Variants in KANK4 observed in about 807,000 individuals in gnomAD.
KANK4 encodes KN motif and ankyrin repeat domain-containing protein 4.
KANK4 carries 50 observed loss-of-function variants against 80.8 expected under a neutral mutation model. The ratio of observed to expected loss-of-function variants is 0.62; its 90% CI spans 0.49 to 0.78. The LOEUF is 0.78. Among genes scored for constraint, KANK4 ranks in the 30% least tolerant of loss-of-function variants. The pLI, the probability that KANK4 is intolerant of heterozygous loss-of-function variation, is 0.00. For missense variants in KANK4, 1,196 were observed against 1,240.1 expected (o/e 0.96, Z 0.53); for synonymous variants, 465 against 506.9 (o/e 0.92, Z 1.11).
intron 2 of KANK4, 80 bp from the exon 3 acceptor site, chr1:62,275,167 G>C: frequency 2.8e-6 from 3 of 1,069,512 alleles, no homozygotes; most frequent in Non-Finnish European, 2.7e-6. Flanking sequence ...TAATATCTCT[G>C]ATTTTAACTT....
At chr1:62,263,438 C>T (rs1195274713) in intron 6 of KANK4, 127 bp from the exon 7 acceptor site, 9 of 753,468 alleles carry the variant, frequency 1.2e-5, no homozygotes, top group Non-Finnish European at 1.8e-5. Flanking sequence ...TGATTTATTC[C>T]TGAAGGGCTC....
intron 9 of KANK4, among the ~76,000 whole-genome samples, chr1:62,243,340 A>AT (rs1671389516): frequency 1.8e-5 from 2 of 110,580 alleles, no homozygotes; most frequent in African/African-American, 5.6e-5. Flanking sequence ...TGGACCAGAT[A>AT]ATTTTTTTTT....
intron 1 of KANK4, among the ~76,000 whole-genome samples, chr1:62,301,290 A>T (rs1397702414): frequency 6.6e-6 from 1 of 152,080 alleles, no homozygotes; most frequent in Non-Finnish European, 1.5e-5. Context: ...AAATGTGTGC[A>T]CGCTCCTACT....
At position 62,274,542 on chromosome 1, in the gene KANK4, G is replaced by A; in HGVS notation, c.562C>T (p.Pro188Ser). The change falls in exon 3 of 10, where the codon CCT becomes TCT. Residue 188 changes from proline (P) to serine (S), a missense_variant. This residue lies in a region of KANK4 where 1,154 missense variants were observed against 1,179.6 expected (regional missense o/e 0.98). Transcript: ENST00000371153. ...TCACCCTGAAGGGGAGGGAGGGCAG[G>A]AGGGGCAGGGGGCCCCAGGCTCAGG... The part of the protein sequence containing the change: ...PGLSLGPPAP[P>S]ALPPLQGEGS... 6.2e-7 allele frequency: 1 copy of A among 1,614,150 alleles called. No homozygotes were observed. Among genetic ancestry groups the A allele is most frequent in the Non-Finnish European group, 8.5e-7 (1 of 1,179,978 alleles).
At chr1:62,261,132 C>T (rs1036586835) in intron 7 of KANK4, among the ~76,000 whole-genome samples, 2 of 150,978 alleles carry the variant, frequency 1.3e-5, no homozygotes, top group South Asian at 2.1e-4. Flanking sequence ...CTCACCAGTC[C>T]GGCACTACCC....
At position 62,268,265 on chromosome 1, in the gene KANK4, G is replaced by A. The variant is rs112023452; in HGVS notation, c.2231+22C>T. Reference sequence around the variant, plus strand: ...ACCTTTTTCAGAGGAACAAGTGCCCGCGTTTGTGTCCATTTGCTCACCTCT... The same window carrying A: ...ACCTTTTTCAGAGGAACAAGTGCCCACGTTTGTGTCCATTTGCTCACCTCT... On this transcript the variant is annotated intron_variant, in intron 5 of 9. Coordinates refer to ENST00000371153, the MANE Select transcript of KANK4 (RefSeq NM_181712.5). 7.1e-4 allele frequency: 1,135 copies of A among 1,592,582 alleles called. 7 individuals are homozygous for A. In the African/African-American group the frequency reaches 0.013, roughly 18 times the overall value.
chr1:62,310,014 G>A (rs1331246329), intron 1 of KANK4, among the ~76,000 whole-genome samples: 2 of 152,232 alleles, frequency 1.3e-5, no homozygotes, highest in Non-Finnish European at 2.9e-5. Context: ...ATAGAATGAA[G>A]AAGAGGATTA....
At chr1:62,283,575 G>C (rs1324677400) in intron 1 of KANK4, among the ~76,000 whole-genome samples, 3 of 152,166 alleles carry the variant, frequency 2.0e-5, no homozygotes, top group Admixed American at 6.5e-5. Flanking sequence ...GAGGGGAAAT[G>C]CTTCTGACTG....
At chr1:62,261,401 C>A (rs1671883498) in intron 7 of KANK4, among the ~76,000 whole-genome samples, 1 of 151,994 alleles carries the variant, frequency 6.6e-6, no homozygotes, top group Admixed American at 6.6e-5. Context: ...CTCAAATGAT[C>A]CACCCGCTTC....
intron 2 of KANK4, among the ~76,000 whole-genome samples, chr1:62,278,360 C>T (rs374224864): frequency 0.15 from 2,382 of 15,852 alleles, 385 homozygotes; most frequent in South Asian, 0.25. Context: ...TTCCTTCCTT[C>T]CTTCCTTCCT....
intron 9 of KANK4, among the ~76,000 whole-genome samples, chr1:62,239,929 G>A (rs904831749): frequency 3.3e-5 from 5 of 152,152 alleles, no homozygotes; most frequent in African/African-American, 1.2e-4. Flanking sequence ...GGACATTTGG[G>A]TTGGTTCCAA....
At chr1:62,314,755 T>C (rs1039828672) in intron 1 of KANK4, among the ~76,000 whole-genome samples, 1 of 149,156 alleles carries the variant, frequency 6.7e-6, no homozygotes, top group African/African-American at 2.5e-5. Context: ...GGGGAAAAAA[T>C]GAGGAGAGTG....
intron 2 of KANK4, among the ~76,000 whole-genome samples, chr1:62,277,366 T>C (rs2149146974): frequency 6.6e-6 from 1 of 152,242 alleles, no homozygotes; most frequent in African/African-American, 2.4e-5. Context: ...TAAAAGACAT[T>C]GTAGCAATTT....
chr1:62,237,172 G>A lies in KANK4; in HGVS notation c.*1105C>T, dbSNP rs987713927. On this transcript the variant is annotated 3_prime_UTR_variant, in exon 10 of 10. Transcript: ENST00000371153. ...TTGCATAAGAGATTTTAAGAGAGCA[G>A]ATTTAAGAAAGATTCAGATGACTTC... 3 of 144,262 alleles carry A rather than the reference G, an allele frequency of 2.1e-5. No homozygotes were observed. Among genetic ancestry groups the A allele is most frequent in the African/African-American group, 7.7e-5 (3 of 38,712 alleles). 8.9% of individuals were successfully genotyped at this position (144,262 alleles called of 1,614,324 possible). A position where few individuals can be genotyped will look rare whatever the true frequency, so the allele number is the denominator to read the frequency against.
At chr1:62,238,521 T>G (rs557407389) in intron 9 of KANK4, 140 bp from the exon 10 acceptor site, 1 of 618,790 alleles carries the variant, frequency 1.6e-6, no homozygotes, top group East Asian at 2.8e-5. Flanking sequence ...TAGAGAAGAT[T>G]CGAATGGCAT....
At chr1:62,283,461 G>A (rs780505097) in intron 1 of KANK4, among the ~76,000 whole-genome samples, 30 of 152,274 alleles carry the variant, frequency 2.0e-4, no homozygotes, top group Non-Finnish European at 2.6e-4. Context: ...AAGTCTAGCC[G>A]ACTCCAAGCC....
intron 2 of KANK4, among the ~76,000 whole-genome samples, chr1:62,278,559 T>C (rs1225070710): frequency 6.1e-5 from 5 of 81,560 alleles, no homozygotes; most frequent in African/African-American, 1.6e-4. Flanking sequence ...TGCCTGGCTA[T>C]TTTTTTTGTA....
At chr1:62,305,578 A>T (rs4915815) in intron 1 of KANK4, among the ~76,000 whole-genome samples, 51,886 of 151,682 alleles carry the variant, frequency 0.34, 9,484 homozygotes, top group East Asian at 0.64. Context: ...CCCAAAGTTC[A>T]GGGATTACAG....
At chr1:62,266,469 C>T (rs1672022082) in intron 6 of KANK4, among the ~76,000 whole-genome samples, 1 of 151,414 alleles carries the variant, frequency 6.6e-6, no homozygotes, top group African/African-American at 2.4e-5. Flanking sequence ...ATGCTCACAC[C>T]ACTGAACATT....
Sources: gnomAD v4.1 joint callset for allele counts (sites outside exome capture counted in the v4.1 genomes callset) on GRCh38, gnomAD v4.1.1 for gene constraint, gnomAD v4.1.1 regional missense constraint, MANE v1.5 for transcripts, NCBI Gene and HGNC (gene_info 2026-07-23, HGNC 2026-07-21) for gene names.